The following QSER1 variants were observed in gnomAD, a reference collection of about 807,000 sequenced individuals.
The protein encoded by QSER1 is glutamine and serine-rich protein 1.
In QSER1, 49 loss-of-function variants were observed where a neutral mutation model predicts 158.5. The observed-to-expected ratio is 0.31, with a 90% CI of 0.25 to 0.39. QSER1 has a LOEUF of 0.39. Among genes scored for constraint, QSER1 ranks in the 10% least tolerant of loss-of-function variants. The probability of loss-of-function intolerance (pLI) is 1.00; values close to 1 mark genes in which losing one functional copy is unlikely to be tolerated. For missense variants in QSER1, 1,754 were observed against 2,010.3 expected, an observed-to-expected ratio of 0.87 and a Z score of 2.44; for synonymous variants, 650 against 715.5, an observed-to-expected ratio of 0.91 and a Z score of 1.46.
intron 4 of QSER1, among the ~76,000 whole-genome samples, chr11:32,940,620 C>CT (rs1165140093): frequency 1.3e-5 from 2 of 152,036 alleles, no homozygotes; most frequent in Admixed American, 1.3e-4. Flanking sequence ...AACTAACTGT[C>CT]TTTCCAGTTT....
At chr11:32,899,573 G>A (rs1367896328) in intron 1 of QSER1, among the ~76,000 whole-genome samples, 2 of 152,110 alleles carry the variant, frequency 1.3e-5, no homozygotes, top group Admixed American at 6.5e-5. Context: ...GAGAAATCAA[G>A]TGACAAGCAT....
chr11:32,906,095 TA>T (rs940527556), intron 1 of QSER1, among the ~76,000 whole-genome samples: 1 of 150,198 alleles, frequency 6.7e-6, no homozygotes, highest in African/African-American at 2.4e-5. Context: ...TAAAAAAGAC[TA>T]TTTTTTAGTT....
At chr11:32,918,617 C>A (rs938345021) in intron 1 of QSER1, among the ~76,000 whole-genome samples, 1 of 150,438 alleles carries the variant, frequency 6.6e-6, no homozygotes, top group Non-Finnish European at 1.5e-5. Flanking sequence ...GGTGGGAAGC[C>A]GTTGGAAAGT....
rs1678710472 is a variant in QSER1 at position 32,924,775 on chromosome 11, A to AT, written c.210-2381dup. Among the ~76,000 whole-genome samples, 6 of 151,936 alleles carry AT rather than the reference A, an allele frequency of 3.9e-5. No homozygotes were observed. In the South Asian group the frequency reaches 1.3e-3, roughly 32 times the overall value. ...CTTTTATTTTAGATTCAGGGGGTAC[A>AT]TGTGCAGGTTTGTTACAGCATGATG... is the stretch of plus-strand genomic sequence containing the variant. On this transcript the variant is annotated intron_variant, in intron 1 of 12. Transcript: ENST00000650167.
intron 4 of QSER1, among the ~76,000 whole-genome samples, chr11:32,938,419 T>G (rs549086728): frequency 2.0e-5 from 3 of 152,346 alleles, no homozygotes; most frequent in Admixed American, 1.3e-4. Context: ...TTGATTTTAA[T>G]TTTGTGAGTA....
At chr11:32,908,625 T>A (rs569737387) in intron 1 of QSER1, among the ~76,000 whole-genome samples, 1 of 152,228 alleles carries the variant, frequency 6.6e-6, no homozygotes, top group Non-Finnish European at 1.5e-5. Flanking sequence ...CCGAATAATA[T>A]TTCATTGCAT....
At chr11:32,970,334 A>G (rs1852828607) in intron 10 of QSER1, among the ~76,000 whole-genome samples, 1 of 152,224 alleles carries the variant, frequency 6.6e-6, no homozygotes, top group Non-Finnish European at 1.5e-5. Flanking sequence ...GCAGGAAGAA[A>G]AAAAATTTAG....
At chr11:32,923,619 G>A (rs1347584105) in intron 1 of QSER1, among the ~76,000 whole-genome samples, 1 of 148,610 alleles carries the variant, frequency 6.7e-6, no homozygotes, top group Non-Finnish European at 1.5e-5. Flanking sequence ...TGGAGGTTGT[G>A]GTGAGCCGAG....
intron 8 of QSER1, 127 bp from the exon 9 acceptor site, chr11:32,966,173 A>G (rs900914699): frequency 1.0e-6 from 1 of 997,710 alleles, no homozygotes; most frequent in South Asian, 1.7e-5. Flanking sequence ...TTTAAAGGTA[A>G]GGTGAGAAAG....
chr11:32,896,432 G>C (rs1337531166), intron 1 of QSER1, among the ~76,000 whole-genome samples: 1 of 152,120 alleles, frequency 6.6e-6, no homozygotes, highest in Non-Finnish European at 1.5e-5. Context: ...TCAGCTCTCT[G>C]CACCCTCTGC....
Position 32,973,540 on chromosome 11 carries a change from A to T in QSER1, c.5349A>T (p.Lys1783Asn), listed in dbSNP as rs766999941. 14 of 1,606,254 alleles carry T rather than the reference A, an allele frequency of 8.7e-6. No homozygotes were observed. The East Asian group carries it at 2.9e-4, about 33-fold the overall frequency. ...KTLRTSKTTT[K>N]SAQEFAVDPE... is the part of the protein sequence containing the mutation. Reference sequence around the variant, plus strand: ...TAAGGACTTCTAAAACAACCACCAAATCTGCACAAGTAAGTGTAATTGATT... The same window carrying T: ...TAAGGACTTCTAAAACAACCACCAATTCTGCACAAGTAAGTGTAATTGATT... Residue 1783 changes from lysine to asparagine, a missense_variant, in exon 11 of 13, where the codon AAA becomes AAT. Lys to Asn is a moderately conservative substitution (Grantham distance 94). Transcript: ENST00000650167.
At chr11:32,949,859 C>T (rs1027434357) in intron 4 of QSER1, among the ~76,000 whole-genome samples, 1 of 152,158 alleles carries the variant, frequency 6.6e-6, no homozygotes, top group Non-Finnish European at 1.5e-5. Context: ...ACAAGGAGGT[C>T]TTTATTTGTC....
chr11:32,973,773 A>G (rs1388090592), intron 11 of QSER1, among the ~76,000 whole-genome samples: 2 of 152,220 alleles, frequency 1.3e-5, no homozygotes, highest in African/African-American at 4.8e-5. Context: ...CAAATTTCTT[A>G]AATTGACTAA....
intron 8 of QSER1, among the ~76,000 whole-genome samples, chr11:32,961,977 A>T (rs1852632577): frequency 6.6e-6 from 1 of 152,144 alleles, no homozygotes; most frequent in Non-Finnish European, 1.5e-5. Flanking sequence ...TCCTATTTTC[A>T]ATTTTGGAGG....
In QSER1 at chr11:32,932,230, T is replaced by G; in HGVS notation, c.972T>G (p.Pro324=). The G allele has an allele frequency of 6.2e-7, 1 of 1,614,178 alleles. No homozygotes were observed. ...GTGTTATTAAACACCATCAGCGGCC[T>G]TCAGGTACCCAGTCAATTCAGGCAC... ...ECSVIKHHQR[P]SGTQSIQAQL... is the part of the protein sequence containing the mutation. The change falls in exon 4 of 13, where the codon CCT becomes CCG. Residue 324 remains proline (P), a synonymous_variant. Coordinates refer to ENST00000650167, the MANE Select transcript of QSER1 (RefSeq NM_001076786.3).
At chr11:32,918,575 G>A (rs1038651673) in intron 1 of QSER1, among the ~76,000 whole-genome samples, 72 of 151,052 alleles carry the variant, frequency 4.8e-4, no homozygotes, top group Admixed American at 4.7e-3. Flanking sequence ...GTAGTGCCTT[G>A]AGAACTTTGT....
intron 1 of QSER1, among the ~76,000 whole-genome samples, chr11:32,923,150 TA>T (rs1408288000): frequency 6.6e-6 from 1 of 152,160 alleles, no homozygotes; most frequent in Admixed American, 6.5e-5. Flanking sequence ...AATAACAACA[TA>T]GATGAATCTC....
Position 32,931,759 on chromosome 11 carries a change from A to G in QSER1, c.501A>G (p.Ala167=), listed in dbSNP as rs1450089176. The change falls in exon 4 of 13, where the codon GCA becomes GCG. Residue 167 remains alanine, a synonymous_variant. Coordinates refer to ENST00000650167, the MANE Select transcript of QSER1 (RefSeq NM_001076786.3). ...TCTTCATAGGCATGCATTCCTCAGC[A>G]GCAACTGAGCTGTTTGCTACTGGAC... The part of the protein sequence containing the change: ...PSWQTGMHSS[A]ATELFATGPL... The G allele has an allele frequency of 2.5e-6, 4 of 1,598,808 alleles. No homozygotes were observed. The highest frequency in any genetic ancestry group is 3.5e-5 in the Admixed American group (2 of 56,644).
intron 9 of QSER1, among the ~76,000 whole-genome samples, chr11:32,968,636 G>A (rs962909768): frequency 3.9e-5 from 6 of 152,208 alleles, no homozygotes; most frequent in Non-Finnish European, 7.3e-5. Context: ...TGTTAGATCA[G>A]TTTGTATTTT....
Sources: allele counts gnomAD v4.1 joint callset (sites outside exome capture counted in the v4.1 genomes callset), GRCh38; gene constraint gnomAD v4.1.1; transcripts MANE v1.5; gene names NCBI Gene and HGNC (gene_info 2026-07-23, HGNC 2026-07-21).